Variants in RARB observed in about 807,000 individuals in gnomAD.
RARB encodes the protein HBV-activated protein.
RARB carries 17 observed loss-of-function variants against 51.9 expected under a neutral mutation model. The ratio of observed to expected loss-of-function variants is 0.33; its 90% CI spans 0.22 to 0.49. The LOEUF (loss-of-function observed/expected upper bound fraction) is 0.49, where lower values mean the gene tolerates loss of function less well. RARB is among the 20% of genes least tolerant of loss of function. RARB has a pLI of 0.99. For synonymous variants in RARB, 215 were observed against 195.4 expected (o/e 1.10, Z -0.84); for missense variants, 369 against 550.8 (o/e 0.67, Z 3.30).
intron 2 of RARB, among the ~76,000 whole-genome samples, chr3:25,010,309 T>G (rs972006752): frequency 1.3e-5 from 2 of 152,088 alleles, no homozygotes; most frequent in African/African-American, 4.8e-5. Flanking sequence ...TAGTACAAAT[T>G]ATAAGAATTT....
rs148139214 is a variant in RARB, at chr3:25,271,653, G to T, written c.178+97078G>T. 1.7e-3 allele frequency among the ~76,000 whole-genome samples: 258 copies of T among 152,242 alleles called. 1 individual carries two copies. Among genetic ancestry groups the T allele is most frequent in the African/African-American group, 6.1e-3 (252 of 41,552 alleles). ...CTGAGAGGAAGGTTAGGAGATACTTGCTATTCCCAAAACTCATTCTCATCA... is the reference window on the plus strand; with the variant it reads ...CTGAGAGGAAGGTTAGGAGATACTTTCTATTCCCAAAACTCATTCTCATCA... On this transcript the variant is annotated intron_variant, in intron 5 of 11. Transcript: ENST00000383772.
chr3:24,930,387 A>G (rs1041807586), intron 2 of RARB, among the ~76,000 whole-genome samples: 4 of 152,076 alleles, frequency 2.6e-5, no homozygotes, highest in African/African-American at 9.7e-5. Flanking sequence ...AAATATGGTT[A>G]TACCTAGCAT....
intron 5 of RARB, among the ~76,000 whole-genome samples, chr3:25,334,470 A>G (rs897227719): frequency 6.6e-6 from 1 of 152,154 alleles, no homozygotes. Context: ...ATAGGTGGGA[A>G]TTGAATAATG....
chr3:24,980,896 A>C (rs11928747), intron 2 of RARB, among the ~76,000 whole-genome samples: 1 of 152,034 alleles, frequency 6.6e-6, no homozygotes, highest in African/African-American at 2.4e-5. Flanking sequence ...CCCCATCTTA[A>C]TAGATTTATC....
intron 2 of RARB, among the ~76,000 whole-genome samples, chr3:24,960,388 A>C (rs1041082013): frequency 6.6e-6 from 1 of 152,224 alleles, no homozygotes; most frequent in Non-Finnish European, 1.5e-5. Context: ...TTTGTTTCCT[A>C]GGAAAAGAAA....
At position 25,332,492 on chromosome 3, in the gene RARB, C is replaced by T. The variant is rs192857918; in HGVS notation, c.179-128701C>T. ...ATTCAACAGCCCTTCATGCTAAAAACTCTCAATAAACTAGGTATTGATGGG... is the reference window on the plus strand; with the variant it reads ...ATTCAACAGCCCTTCATGCTAAAAATTCTCAATAAACTAGGTATTGATGGG... On this transcript the variant is annotated intron_variant, in intron 5 of 11. Coordinates refer to the RARB transcript ENST00000383772. Among the ~76,000 whole-genome samples, 1,009 of 152,304 alleles carry T rather than the reference C, an allele frequency of 6.6e-3. 6 individuals carry two copies. Among genetic ancestry groups the T allele is most frequent in the South Asian group, 0.028 (134 of 4,830 alleles).
At chr3:25,166,363 A>G (rs984934987) in intron 4 of RARB, among the ~76,000 whole-genome samples, 1 of 152,170 alleles carries the variant, frequency 6.6e-6, no homozygotes, top group Non-Finnish European at 1.5e-5. Context: ...TGAGCCTGGT[A>G]TTTTTGCTGA....
intron 3 of RARB, among the ~76,000 whole-genome samples, chr3:25,507,221 A>G (rs751429450): frequency 2.2e-4 from 33 of 152,242 alleles, no homozygotes; most frequent in Non-Finnish European, 1.6e-4. Flanking sequence ...GCCCCTGAAT[A>G]TAGCATGAAG....
rs1421881376 is a variant in RARB, at chr3:25,582,664, C to T, written c.786+1942C>T. On this transcript the variant is annotated intron_variant, in intron 5 of 7. Coordinates refer to ENST00000330688, the MANE Select transcript of RARB (RefSeq NM_000965.5). ...AAATCCCCTTCCTCAATTTAGAAAT[C>T]CCCTTCCTGCCTCCAGCACCTCTCT... Among the ~76,000 whole-genome samples the T allele has an allele frequency of 2.0e-5, 3 of 151,992 alleles. No individual in the cohort carries two copies. In the East Asian group the frequency reaches 5.8e-4, roughly 29 times the overall value.
At chr3:24,900,629 G>A (rs1703583921) in intron 2 of RARB, among the ~76,000 whole-genome samples, 1 of 152,170 alleles carries the variant, frequency 6.6e-6, no homozygotes, top group South Asian at 2.1e-4. Flanking sequence ...GCCAAAGCTT[G>A]CTTACAAAAA....
At chr3:25,290,379 C>G (rs992040905) in intron 5 of RARB, among the ~76,000 whole-genome samples, 2 of 152,146 alleles carry the variant, frequency 1.3e-5, no homozygotes, top group Admixed American at 1.3e-4. Context: ...CGAGAGAGGC[C>G]TCAGAAGAAG....
chr3:25,200,511 C>T (rs1297386117), intron 5 of RARB, among the ~76,000 whole-genome samples: 1 of 152,058 alleles, frequency 6.6e-6, no homozygotes, highest in Non-Finnish European at 1.5e-5. Flanking sequence ...ACATGAAGTC[C>T]TTGCCCATGT....
chr3:25,263,166 G>A (rs1441597884), intron 5 of RARB, among the ~76,000 whole-genome samples: 5 of 152,122 alleles, frequency 3.3e-5, no homozygotes, highest in African/African-American at 1.2e-4. Flanking sequence ...CATGTAAGTT[G>A]CACTGGTCTG....
rs11417502 is a variant in RARB, at chr3:24,879,484, AT to A, written c.-380+20751del. On this transcript the variant is annotated intron_variant, in intron 2 of 11. Transcript: ENST00000383772. Reference sequence around the variant, plus strand: ...TTGAGTTCCAGCAGAAAGGATCTCCATTTTTTTTTTTTTTTTTTTCTTAACC... The same window carrying A: ...TTGAGTTCCAGCAGAAAGGATCTCCATTTTTTTTTTTTTTTTTTCTTAACC... 9.0e-3 allele frequency among the ~76,000 whole-genome samples: 1,090 copies of A among 121,436 alleles called. 9 individuals carry two copies. The highest frequency in any genetic ancestry group is 0.03 in the African/African-American group (972 of 32,060). The allele number at this position is 121,436 out of a possible 152,430, so 79.7% of individuals were successfully genotyped here. A position where few individuals can be genotyped will look rare whatever the true frequency, so the allele number is the denominator to read the frequency against.
At chr3:25,054,764 C>T (rs977978737) in intron 2 of RARB, among the ~76,000 whole-genome samples, 1 of 152,078 alleles carries the variant, frequency 6.6e-6, no homozygotes, top group Non-Finnish European at 1.5e-5. Flanking sequence ...GCCAGACAAC[C>T]CTGCTTTGGA....
chr3:25,102,938 C>A (rs1006463717), intron 3 of RARB, among the ~76,000 whole-genome samples: 10 of 152,138 alleles, frequency 6.6e-5, no homozygotes, highest in Admixed American at 3.3e-4. Context: ...GTAATCCCAG[C>A]TACTTGGGTA....
intron 1 of RARB, among the ~76,000 whole-genome samples, chr3:24,847,005 G>T (rs796982821): frequency 3.3e-5 from 5 of 152,274 alleles, no homozygotes; most frequent in African/African-American, 9.6e-5. Context: ...CTTCTGAAAG[G>T]TTACTGTGCA....
intron 2 of RARB, among the ~76,000 whole-genome samples, chr3:25,006,556 C>G (rs896198781): frequency 2.0e-5 from 3 of 152,118 alleles, no homozygotes; most frequent in Non-Finnish European, 4.4e-5. Context: ...CAAGACTTTG[C>G]AAACTTCATT....
chr3:25,327,951 T>C (rs1371727646), intron 5 of RARB, among the ~76,000 whole-genome samples: 1 of 152,110 alleles, frequency 6.6e-6, no homozygotes, highest in Non-Finnish European at 1.5e-5. Flanking sequence ...GTGTGAGAAA[T>C]AAAACAAAGT....
Sources: allele counts gnomAD v4.1 joint callset (sites outside exome capture counted in the v4.1 genomes callset), GRCh38; gene constraint gnomAD v4.1.1; transcripts MANE v1.5; gene names NCBI Gene and HGNC (gene_info 2026-07-23, HGNC 2026-07-21).